SGK2: variants seen among roughly 807,000 people sequenced by gnomAD.
SGK2 encodes the protein serum/glucocorticoid regulated kinase 2, also known as serine/threonine-protein kinase Sgk2.
In SGK2, 36 loss-of-function variants were observed where a neutral mutation model predicts 47.5. The observed-to-expected ratio is 0.76, with a 90% CI of 0.58 to 1.00. SGK2 has a LOEUF of 1.00. SGK2 is among the 50% of genes least tolerant of loss of function. SGK2 has a pLI of 0.00. For synonymous variants in SGK2, 157 were observed against 181.9 expected, an observed-to-expected ratio of 0.86 and a Z score of 1.10; for missense variants, 404 against 467.4, an observed-to-expected ratio of 0.86 and a Z score of 1.25.
Position 43,564,118 on chromosome 20 carries a change from G to A in SGK2, c.-23-2355G>A, listed in dbSNP as rs150136208. ...CCCTCGGGATCCTGGGGAGAGGAAG[G>A]GACCCTGTGAGAACCTAATGACCGC... On this transcript the variant is annotated intron_variant, in intron 1 of 12. Coordinates refer to ENST00000373100, the MANE Select transcript of SGK2 (RefSeq NM_170693.3). Among the ~76,000 whole-genome samples the A allele has an allele frequency of 2.2e-3, 334 of 152,358 alleles. 2 individuals carry two copies. The highest frequency in any genetic ancestry group is 7.6e-3 in the African/African-American group (316 of 41,588).
rs1158728020 is a variant in SGK2 at position 43,578,699 on chromosome 20, A to C, written c.850-1273A>C. ...CAAAGTACTCTCAGCAGTGTCTGGCACACAATAAGTGCTTTTTAAGTGTAC... is the reference window on the plus strand; with the variant it reads ...CAAAGTACTCTCAGCAGTGTCTGGCCCACAATAAGTGCTTTTTAAGTGTAC... On this transcript the variant is annotated intron_variant, in intron 11 of 12. Transcript: ENST00000373100. Among the ~76,000 whole-genome samples, 19 of 152,312 alleles carry C rather than the reference A, an allele frequency of 1.2e-4. No homozygotes were observed. The East Asian group carries it at 3.1e-3, about 25-fold the overall frequency.
At chr20:43,567,526 C>A (rs777627342) in intron 3 of SGK2, 139 bp from the exon 4 acceptor site, 2 of 738,250 alleles carry the variant, frequency 2.7e-6, no homozygotes. Context: ...TGGGGTTCTT[C>A]GGGGGTGAGG....
chr20:43,583,349 G>A (rs1356306370), intron 12 of SGK2: 1 of 1,278,338 alleles, frequency 7.8e-7, no homozygotes, highest in East Asian at 5.6e-5. Flanking sequence ...TCCTGGTTTT[G>A]TCACCTACCA....
intron 1 of SGK2, among the ~76,000 whole-genome samples, chr20:43,562,549 T>A (rs1324692486): frequency 6.6e-6 from 1 of 151,304 alleles, no homozygotes; most frequent in Non-Finnish European, 1.5e-5. Flanking sequence ...GAGACCAGCC[T>A]GGCCAACATG....
At chr20:43,573,936 C>T (rs1446976241) in intron 9 of SGK2, among the ~76,000 whole-genome samples, 1 of 152,174 alleles carries the variant, frequency 6.6e-6, no homozygotes, top group East Asian at 1.9e-4. Flanking sequence ...TTTACCACGA[C>T]TCAGCCACTG....
At chr20:43,574,410 C>T (rs1010587781) in intron 9 of SGK2, among the ~76,000 whole-genome samples, 3 of 152,232 alleles carry the variant, frequency 2.0e-5, no homozygotes, top group African/African-American at 2.4e-5. Flanking sequence ...CTTTTACTTA[C>T]ACTCACATTA....
chr20:43,572,056 C>T lies in SGK2; in HGVS notation c.516C>T (p.His172=), dbSNP rs376643090. ...ATGCCCTCCGTCATTCTCAGGGACA[C>T]GTGGTGCTGACGGATTTTGGCCTCT... is the stretch of plus-strand genomic sequence containing the variant. ...PENILLDCQG[H]VVLTDFGLCK... is the part of the protein sequence containing the mutation. The change falls in exon 9 of 13, where the codon CAC becomes CAT. Residue 172 remains histidine, a synonymous_variant. Transcript: ENST00000373100. This position sits in a 1 kb window ranked among gnomAD's most constrained non-coding sequence, Gnocchi z 4.2. The T allele has an allele frequency of 1.1e-5, 17 of 1,548,136 alleles. No homozygotes were observed. The South Asian group carries it at 1.3e-4, about 12-fold the overall frequency.
intron 6 of SGK2, 105 bp downstream of exon 6, chr20:43,569,621 T>C: frequency 7.4e-7 from 1 of 1,357,766 alleles, no homozygotes; most frequent in Non-Finnish European, 1.0e-6. Context: ...TCACTTCATC[T>C]TACAATAGAC....
At chr20:43,584,411 G>T (rs563501147) in intron 12 of SGK2, among the ~76,000 whole-genome samples, 134 of 152,208 alleles carry the variant, frequency 8.8e-4, no homozygotes, top group Middle Eastern at 3.4e-3. Flanking sequence ...CTCCAAAATA[G>T]CTAAAGCAGC....
chr20:43,568,618 A>G (rs1426210483), intron 5 of SGK2, among the ~76,000 whole-genome samples: 4 of 152,162 alleles, frequency 2.6e-5, no homozygotes, highest in Non-Finnish European at 4.4e-5. Context: ...AGTAGCTGAG[A>G]CTAAAGGCAC....
At chr20:43,566,629 G>A (rs774520700) in intron 2 of SGK2, 98 bp downstream of exon 2, 1 of 818,020 alleles carries the variant, frequency 1.2e-6, no homozygotes, top group East Asian at 2.5e-5. Context: ...GGCTGAGAGG[G>A]TTACTGCGAG....
intron 12 of SGK2, chr20:43,583,114 C>T: frequency 8.7e-7 from 1 of 1,147,842 alleles, no homozygotes. Flanking sequence ...AATGTTAATT[C>T]ACCATTTACA....
chr20:43,577,755 T>C (rs1270286931), intron 11 of SGK2, among the ~76,000 whole-genome samples: 1 of 151,706 alleles, frequency 6.6e-6, no homozygotes, highest in Non-Finnish European at 1.5e-5. Context: ...GCAATTCTAA[T>C]GCCTCAGCCT....
At chr20:43,580,833 T>C (rs1442584467) in intron 12 of SGK2, among the ~76,000 whole-genome samples, 1 of 151,952 alleles carries the variant, frequency 6.6e-6, no homozygotes, top group Non-Finnish European at 1.5e-5. Flanking sequence ...CACTGGCATA[T>C]TTCCTTCCAG....
chr20:43,574,076 A>C (rs888571453), intron 9 of SGK2, among the ~76,000 whole-genome samples: 6 of 152,204 alleles, frequency 3.9e-5, no homozygotes, highest in Middle Eastern at 3.4e-3. Context: ...AGGATGAAAA[A>C]ACCAGGGTCT....
At chr20:43,563,146 A>AAAAAAG (rs1568657518) in intron 1 of SGK2, among the ~76,000 whole-genome samples, 1 of 151,866 alleles carries the variant, frequency 6.6e-6, no homozygotes, top group African/African-American at 2.4e-5. Flanking sequence ...AAAAAAAAAA[A>AAAAAAG]AAAGAAAGAA....
intron 12 of SGK2, 27 bp downstream of exon 12, chr20:43,580,088 T>G: frequency 6.9e-6 from 10 of 1,443,462 alleles, no homozygotes; most frequent in Non-Finnish European, 9.4e-6. Flanking sequence ...TTCTAGACTC[T>G]GGATTTCCGG....
chr20:43,583,648 G>A, intron 12 of SGK2: 1 of 980,204 alleles, frequency 1.0e-6, no homozygotes, highest in Non-Finnish European at 1.2e-6. Flanking sequence ...TGTATAACAA[G>A]CAACTCCAAA....
At chr20:43,579,557 A>G (rs1980664430) in intron 11 of SGK2, among the ~76,000 whole-genome samples, 1 of 152,084 alleles carries the variant, frequency 6.6e-6, no homozygotes, top group Non-Finnish European at 1.5e-5. Flanking sequence ...TCCCTAGTGA[A>G]TTGATTTAGT....
Sources: allele counts gnomAD v4.1 joint callset (sites outside exome capture counted in the v4.1 genomes callset), GRCh38; gene constraint gnomAD v4.1.1; non-coding constraint Gnocchi (gnomAD v3.1); transcripts MANE v1.5; gene names NCBI Gene and HGNC (gene_info 2026-07-23, HGNC 2026-07-21).